Variants in MAGI2 observed in about 807,000 individuals in gnomAD.
The protein encoded by MAGI2 is membrane associated guanylate kinase, WW and PDZ domain containing 2, also known as membrane-associated guanylate kinase, WW and PDZ domain-containing protein 2.
Under a neutral mutation model 133.3 loss-of-function variants are expected in MAGI2, and 35 were observed. That is an observed-to-expected ratio of 0.26 (90% CI 0.20 to 0.35). MAGI2 has a LOEUF of 0.35. MAGI2 is among the 10% of genes least tolerant of loss of function. The pLI is 1.00. For synonymous variants in MAGI2, 729 were observed against 710.6 expected (o/e 1.03, Z -0.41); for missense variants, 1,636 against 1,863.4 (o/e 0.88, Z 2.25).
In MAGI2 at chr7:78,872,750, G is replaced by A. The variant is rs114744541; in HGVS notation, c.418+134340C>T. Among the ~76,000 whole-genome samples, 349 of 152,048 alleles carry A rather than the reference G, an allele frequency of 2.3e-3. 3 individuals carry two copies. The highest frequency in any genetic ancestry group is 8.1e-3 in the African/African-American group (335 of 41,474). ...CCTCTGAGGGAAATATTTCTGGCCCGTGGGTGAAATGGTGCTTAAGACAGA... is the reference window on the plus strand; with the variant it reads ...CCTCTGAGGGAAATATTTCTGGCCCATGGGTGAAATGGTGCTTAAGACAGA... On this transcript the variant is annotated intron_variant, in intron 2 of 21. Transcript: ENST00000354212.
chr7:78,642,421 T>A (rs544954422), intron 2 of MAGI2, among the ~76,000 whole-genome samples: 1 of 152,316 alleles, frequency 6.6e-6, no homozygotes, highest in Non-Finnish European at 1.5e-5. Context: ...CTGTGTTGCA[T>A]TGCAGCAAAA....
In MAGI2 at chr7:79,430,066, T is replaced by C. The variant is rs534339446; in HGVS notation, c.301+22954A>G. ...GGATTCAAAATGGAAGAAAATAATA[T>C]TCTAAAGAGGAATGCATGATGTATT... On this transcript the variant is annotated intron_variant, in intron 1 of 21. Transcript: ENST00000354212. 3.8e-4 allele frequency among the ~76,000 whole-genome samples: 58 copies of C among 152,250 alleles called. 1 individual carries two copies. In the South Asian group the frequency reaches 0.012, roughly 32 times the overall value.
intron 10 of MAGI2, among the ~76,000 whole-genome samples, chr7:78,237,183 G>T (rs11505887): frequency 5.9e-5 from 9 of 152,200 alleles, no homozygotes; most frequent in Admixed American, 4.6e-4. Flanking sequence ...CCAGTATTTA[G>T]AAATGGCCAA....
intron 2 of MAGI2, among the ~76,000 whole-genome samples, chr7:78,692,511 A>C (rs1021378252): frequency 6.6e-6 from 1 of 151,996 alleles, no homozygotes; most frequent in Non-Finnish European, 1.5e-5. Context: ...CTCTCGTTTC[A>C]TTTTAAGTCT....
chr7:78,613,651 T>G (rs1056627128), intron 3 of MAGI2, among the ~76,000 whole-genome samples: 2 of 152,066 alleles, frequency 1.3e-5, no homozygotes, highest in African/African-American at 4.8e-5. Flanking sequence ...TCTTTTAAAT[T>G]GTGAGAGAAT....
chr7:78,264,111 T>C (rs952140443), intron 9 of MAGI2, among the ~76,000 whole-genome samples: 3 of 152,152 alleles, frequency 2.0e-5, no homozygotes, highest in Non-Finnish European at 4.4e-5. Flanking sequence ...TTAACCACAC[T>C]AACAGCATTG....
At position 78,343,875 on chromosome 7, in the gene MAGI2, T is replaced by G; in HGVS notation, c.1311A>C (p.Gly437=). 1 of 1,613,466 alleles carries G rather than the reference T, an allele frequency of 6.2e-7. No homozygotes were observed. The highest frequency in any genetic ancestry group is 8.5e-7 in the Non-Finnish European group (1 of 1,179,774). Residue 437 remains glycine (G), a synonymous_variant, in exon 9 of 22, where the codon GGA becomes GGC. Coordinates refer to ENST00000354212, the MANE Select transcript of MAGI2 (RefSeq NM_012301.4). ...GCTCGTCTCCACCAATGATGGTAAA[T>G]CCAAAGCCCATGTTGCTCTTTTTTA... ...TTLKKSNMGF[G]FTIIGGDEPD...
chr7:78,985,399 C>A (rs1259379484), intron 2 of MAGI2, among the ~76,000 whole-genome samples: 2 of 151,976 alleles, frequency 1.3e-5, no homozygotes, highest in Admixed American at 1.3e-4. Context: ...TTTGAGAAAA[C>A]TATTTTTAAT....
intron 2 of MAGI2, among the ~76,000 whole-genome samples, chr7:78,807,157 T>G (rs931151697): frequency 6.6e-6 from 1 of 151,928 alleles, no homozygotes; most frequent in African/African-American, 2.4e-5. Context: ...TCTCAAACAT[T>G]TTGTTCTCAT....
chr7:79,030,139 A>C (rs117565316), intron 1 of MAGI2: 2 of 152,306 alleles, frequency 1.3e-5, no homozygotes, highest in South Asian at 2.1e-4. Flanking sequence ...CAAAAGGCTG[A>C]GTTTAATGTT....
intron 2 of MAGI2, among the ~76,000 whole-genome samples, chr7:78,775,968 C>T (rs1012955): frequency 0.86 from 130,729 of 152,154 alleles, 56,437 homozygotes; most frequent in East Asian, 1. Flanking sequence ...AAGGCTCAGT[C>T]TTAGGAACTG....
intron 3 of MAGI2, among the ~76,000 whole-genome samples, chr7:78,603,421 A>G (rs1048311247): frequency 3.3e-5 from 5 of 152,206 alleles, no homozygotes; most frequent in Non-Finnish European, 5.9e-5. Context: ...GGATGAGACA[A>G]CAAGACCTGT....
intron 4 of MAGI2, among the ~76,000 whole-genome samples, chr7:78,513,962 C>A (rs1314509250): frequency 6.6e-6 from 1 of 151,816 alleles, no homozygotes; most frequent in Admixed American, 6.6e-5. Flanking sequence ...GTGGCACATG[C>A]CTGTAATCCC....
intron 1 of MAGI2, among the ~76,000 whole-genome samples, chr7:79,366,082 A>G (rs2129127929): frequency 6.6e-6 from 1 of 151,580 alleles, no homozygotes; most frequent in South Asian, 2.1e-4. Context: ...TTTCTACTAC[A>G]AATACAATTA....
At chr7:78,275,976 A>G (rs184218005) in intron 9 of MAGI2, among the ~76,000 whole-genome samples, 178 of 152,302 alleles carry the variant, frequency 1.2e-3, no homozygotes, top group African/African-American at 3.8e-3. Flanking sequence ...ACAGTAATCA[A>G]TGACTGTTGA....
intron 1 of MAGI2, among the ~76,000 whole-genome samples, chr7:79,322,786 AAAAAAAAGAAAAAG>A (rs1839294025): frequency 6.7e-6 from 1 of 149,842 alleles, no homozygotes; most frequent in Admixed American, 6.7e-5. Flanking sequence ...TCTCAAAAAA[AAAAAAAAGAAAAAG>A]AAAAAGAAAA....
intron 20 of MAGI2, among the ~76,000 whole-genome samples, chr7:78,091,105 G>C (rs1817164240): frequency 1.3e-5 from 2 of 151,910 alleles, no homozygotes; most frequent in Admixed American, 6.6e-5. Flanking sequence ...GAATGAATAA[G>C]AGACAGAATG....
At chr7:78,520,765 C>G (rs1282793186) in intron 4 of MAGI2, among the ~76,000 whole-genome samples, 1 of 150,092 alleles carries the variant, frequency 6.7e-6, no homozygotes, top group Non-Finnish European at 1.5e-5. Flanking sequence ...ATATTTGTGT[C>G]TAATTCTTCA....
intron 9 of MAGI2, among the ~76,000 whole-genome samples, chr7:78,256,923 G>T (rs919801511): frequency 1.3e-5 from 2 of 152,146 alleles, no homozygotes; most frequent in African/African-American, 4.8e-5. Context: ...TCCATCTTCA[G>T]TGTAATTCAG....
Sources: allele counts gnomAD v4.1 joint callset (sites outside exome capture counted in the v4.1 genomes callset), GRCh38; gene constraint gnomAD v4.1.1; transcripts MANE v1.5; gene names NCBI Gene and HGNC (gene_info 2026-07-23, HGNC 2026-07-21).